The following WDTC1 variants were observed in gnomAD, a reference collection of about 807,000 sequenced individuals.
WDTC1 encodes WD and tetratricopeptide repeats protein 1.
WDTC1 carries 12 observed loss-of-function variants against 76.0 expected under a neutral mutation model. That is an observed-to-expected ratio of 0.16 (90% CI 0.10 to 0.26). The LOEUF (loss-of-function observed/expected upper bound fraction) is 0.26, where lower values mean the gene tolerates loss of function less well. Among genes scored for constraint, WDTC1 ranks in the 10% least tolerant of loss-of-function variants. The pLI is 1.00. For synonymous variants in WDTC1, 326 were observed against 350.8 expected, an observed-to-expected ratio of 0.93 and a Z score of 0.79; for missense variants, 511 against 908.8, an observed-to-expected ratio of 0.56 and a Z score of 5.63.
chr1:27,259,403 AGT>A (rs1478742244), intron 1 of WDTC1, among the ~76,000 whole-genome samples: 1 of 150,504 alleles, frequency 6.6e-6, no homozygotes, highest in African/African-American at 2.5e-5. Context: ...CCTGGTTTCA[AGT>A]AGTCCTCCCA....
rs1570928636 is a variant in WDTC1, at chr1:27,234,983, G to A, written c.-100+32G>A. The A allele has an allele frequency of 7.8e-6, 3 of 383,788 alleles. No homozygotes were observed. In the East Asian group the frequency reaches 1.1e-4, roughly 14 times the overall value. The allele number at this position is 383,788 out of a possible 1,614,324, so 23.8% of individuals were successfully genotyped here. On this transcript the variant is annotated intron_variant, in intron 1 of 15. Transcript: ENST00000319394. ...GTCACCGCCGCCCCCTGCCCTCCGC[G>A]GGCGCCGAGGCGGGGACCGGCTCCC...
intron 1 of WDTC1, among the ~76,000 whole-genome samples, chr1:27,241,125 TG>T (rs1302717664): frequency 6.6e-6 from 1 of 152,180 alleles, no homozygotes; most frequent in Non-Finnish European, 1.5e-5. Flanking sequence ...TTGGCATTTT[TG>T]TATTTATTAT....
At chr1:27,238,897 A>G (rs1399156694) in intron 1 of WDTC1, among the ~76,000 whole-genome samples, 1 of 150,050 alleles carries the variant, frequency 6.7e-6, no homozygotes, top group African/African-American at 2.5e-5. Flanking sequence ...TATTAGAGAC[A>G]GGGTTTTGCC....
At position 27,274,551 on chromosome 1, in the gene WDTC1, T is replaced by C. The variant is rs1000763405; in HGVS notation, c.133-7688T>C. On this transcript the variant is annotated intron_variant, in intron 3 of 15. Coordinates refer to ENST00000319394, the MANE Select transcript of WDTC1 (RefSeq NM_001276252.2). This position sits in a 1 kb window ranked among gnomAD's most constrained non-coding sequence, Gnocchi z 4.2. ...CAGAAGGGAGGTTGAGATTAAACAATTTAAATTTAAATTAATGAGGATTAA... is the reference window on the plus strand; with the variant it reads ...CAGAAGGGAGGTTGAGATTAAACAACTTAAATTTAAATTAATGAGGATTAA... 6.6e-5 allele frequency among the ~76,000 whole-genome samples: 10 copies of C among 152,200 alleles called. No homozygotes were observed. The highest frequency in any genetic ancestry group is 2.4e-4 in the African/African-American group (10 of 41,446).
intron 13 of WDTC1, among the ~76,000 whole-genome samples, chr1:27,302,089 T>C (rs1215444609): frequency 1.3e-5 from 2 of 152,154 alleles, no homozygotes; most frequent in African/African-American, 4.8e-5. Context: ...GGTGAGCTCA[T>C]AGGAGGCAGA....
chr1:27,282,863 G>A (rs967055377), intron 4 of WDTC1, among the ~76,000 whole-genome samples: 1 of 151,818 alleles, frequency 6.6e-6, no homozygotes. Context: ...TTCTTGGCCG[G>A]GCGTAGTGGC....
chr1:27,306,920 AAAGG>A lies in WDTC1; in HGVS notation c.*543_*546del, dbSNP rs1382830707. ...AGCCACCAGTGTTAGAGCGGAGCCC[AAAGG>A]AAGGATGGGAGCCCTGGAGTGGGCA... is the stretch of plus-strand genomic sequence containing the variant. On this transcript the variant is annotated 3_prime_UTR_variant, in exon 16 of 16. Coordinates refer to ENST00000319394, the MANE Select transcript of WDTC1 (RefSeq NM_001276252.2). The surrounding 1 kb of genome is among the most constrained non-coding windows in gnomAD (Gnocchi z 5.0). The A allele has an allele frequency of 6.3e-6, 1 of 158,458 alleles. No homozygotes were observed. The highest frequency in any genetic ancestry group is 5.9e-5 in the Admixed American group (1 of 16,812). 9.8% of individuals were successfully genotyped at this position (158,458 alleles called of 1,614,324 possible). A position where few individuals can be genotyped will look rare whatever the true frequency, so the allele number is the denominator to read the frequency against.
intron 6 of WDTC1, among the ~76,000 whole-genome samples, chr1:27,290,290 C>G (rs2013501611): frequency 6.6e-6 from 1 of 152,032 alleles, no homozygotes; most frequent in Non-Finnish European, 1.5e-5. Flanking sequence ...CTCTGTGTTG[C>G]CCAGGCAGGT....
chr1:27,249,310 C>G (rs2011957735), intron 1 of WDTC1, among the ~76,000 whole-genome samples: 1 of 150,296 alleles, frequency 6.7e-6, no homozygotes, highest in Non-Finnish European at 1.5e-5. Context: ...ACTTCTCTAT[C>G]CCCCCATTCC....
intron 13 of WDTC1, among the ~76,000 whole-genome samples, chr1:27,302,900 C>T (rs1002211034): frequency 7.2e-5 from 11 of 152,160 alleles, no homozygotes; most frequent in Admixed American, 6.5e-4. Flanking sequence ...CAGTGACTCT[C>T]ATTTGGGACC....
chr1:27,262,846 C>G (rs973581635), intron 2 of WDTC1, among the ~76,000 whole-genome samples: 6 of 151,980 alleles, frequency 3.9e-5, no homozygotes, highest in African/African-American at 1.5e-4. Context: ...AGATGATGCC[C>G]ACCCTGTCCA....
At chr1:27,250,872 T>TC (rs1439447905) in intron 1 of WDTC1, among the ~76,000 whole-genome samples, 1 of 150,498 alleles carries the variant, frequency 6.6e-6, no homozygotes, top group African/African-American at 2.4e-5. Context: ...TGTTTTTTTT[T>TC]TTTTTCTTTT....
chr1:27,246,651 TTC>T (rs1376239577), intron 1 of WDTC1, among the ~76,000 whole-genome samples: 2 of 152,092 alleles, frequency 1.3e-5, no homozygotes, highest in Non-Finnish European at 2.9e-5. Context: ...AACCTCCGCC[TTC>T]CAGGTTTAAG....
At chr1:27,293,611 C>T (rs948404606) in intron 7 of WDTC1, among the ~76,000 whole-genome samples, 1 of 152,056 alleles carries the variant, frequency 6.6e-6, no homozygotes, top group Non-Finnish European at 1.5e-5. Flanking sequence ...AGAACCCCCA[C>T]AGCACTCTCA....
chr1:27,298,230 A>C, intron 12 of WDTC1, 119 bp downstream of exon 12: 1 of 1,297,938 alleles, frequency 7.7e-7, no homozygotes, highest in Non-Finnish European at 1.0e-6. Flanking sequence ...GCAAGAACAT[A>C]TTGCTGCCTC....
rs1171226769 is a variant in WDTC1 at position 27,296,409 on chromosome 1, C to G, written c.949+8C>G. On this transcript the variant is annotated splice_region_variant and intron_variant, in intron 10 of 15. Transcript: ENST00000319394. The stretch of plus-strand genomic sequence containing the variant: ...AATGCCACTCCTCGGGGGGTAAGTT[C>G]TCCCTTAGGGTATCTCTACTGCGGC... 1.2e-5 allele frequency: 19 copies of G among 1,613,952 alleles called. No individual in the cohort carries two copies. Among genetic ancestry groups the G allele is most frequent in the Non-Finnish European group, 1.6e-5 (19 of 1,180,000 alleles).
intron 3 of WDTC1, among the ~76,000 whole-genome samples, chr1:27,278,836 G>C (rs373189967): frequency 1.3e-5 from 2 of 152,192 alleles, no homozygotes; most frequent in Admixed American, 6.5e-5. Flanking sequence ...AGGTATGGTG[G>C]CTCATGCCTG....
At chr1:27,269,606 G>GTTTTTTTTTTTTTTGGT (rs56885576) in intron 3 of WDTC1, among the ~76,000 whole-genome samples, 1 of 119,482 alleles carries the variant, frequency 8.4e-6, no homozygotes, top group African/African-American at 3.1e-5. Context: ...TTTGTTTTTT[G>GTTTTTTTTTTTTTTGGT]TTTTTTTTTT....
chr1:27,270,442 C>G (rs2012833504), intron 3 of WDTC1, among the ~76,000 whole-genome samples: 1 of 152,096 alleles, frequency 6.6e-6, no homozygotes, highest in African/African-American at 2.4e-5. Context: ...GCTGTAATCC[C>G]AGCACTTTGG....
Sources: gnomAD v4.1 joint callset for allele counts (sites outside exome capture counted in the v4.1 genomes callset) on GRCh38, gnomAD v4.1.1 for gene constraint, Gnocchi (gnomAD v3.1) non-coding constraint, MANE v1.5 for transcripts, NCBI Gene and HGNC (gene_info 2026-07-23, HGNC 2026-07-21) for gene names.